The following CSMD1 variants were observed in gnomAD, a reference collection of about 807,000 sequenced individuals.
CSMD1 encodes the protein CUB and sushi domain-containing protein 1.
In CSMD1, 213 loss-of-function variants were observed where a neutral mutation model predicts 417.5. That is an observed-to-expected ratio of 0.51 (90% CI 0.46 to 0.57). CSMD1 has a LOEUF of 0.57. CSMD1 is among the 20% of genes least tolerant of loss of function. The pLI is 0.00. For synonymous variants in CSMD1, 2,862 were observed against 1,736.8 expected, an observed-to-expected ratio of 1.65 and a Z score of -16.11; for missense variants, 6,923 against 4,529.7, an observed-to-expected ratio of 1.53 and a Z score of -15.17.
At chr8:4,972,702 C>A (rs28410599) in intron 1 of CSMD1, among the ~76,000 whole-genome samples, 5,596 of 143,154 alleles carry the variant, frequency 0.039, 365 homozygotes, top group African/African-American at 0.14. Flanking sequence ...GAATTTAAAA[C>A]TTTTGCTTTA....
intron 3 of CSMD1, among the ~76,000 whole-genome samples, chr8:4,375,638 A>T (rs1802686007): frequency 6.6e-6 from 1 of 152,108 alleles, no homozygotes; most frequent in Non-Finnish European, 1.5e-5. Context: ...TGGCTGTGGG[A>T]TGGTCGCGGC....
At chr8:4,341,520 G>A (rs905143362) in intron 3 of CSMD1, among the ~76,000 whole-genome samples, 1 of 152,022 alleles carries the variant, frequency 6.6e-6, no homozygotes, top group African/African-American at 2.4e-5. Context: ...GCCCTTTCTA[G>A]GAAGCAAACC....
At position 2,935,986 on chromosome 8, in the gene CSMD1, T is replaced by G. The variant is rs1801432201; in HGVS notation, c.*2599A>C. 1 of 152,198 alleles carries G rather than the reference T, an allele frequency of 6.6e-6. No homozygotes were observed. The highest frequency in any genetic ancestry group is 2.4e-5 in the African/African-American group (1 of 41,450). 9.4% of individuals were successfully genotyped at this position (152,198 alleles called of 1,614,324 possible). ...TCCCGTTGCCTTCAGGGAAGAGTCTTCTAGACCTAACTCAGCAAGCACAGC... is the reference window on the plus strand; with the variant it reads ...TCCCGTTGCCTTCAGGGAAGAGTCTGCTAGACCTAACTCAGCAAGCACAGC... On this transcript the variant is annotated 3_prime_UTR_variant, in exon 70 of 70. Transcript: ENST00000635120.
chr8:3,777,400 A>G (rs1303477515), intron 5 of CSMD1, among the ~76,000 whole-genome samples: 1 of 152,004 alleles, frequency 6.6e-6, no homozygotes, highest in Non-Finnish European at 1.5e-5. Flanking sequence ...GGCCCCCTCC[A>G]CTGCTCTTGC....
chr8:4,704,402 A>G (rs1807785778), intron 1 of CSMD1, among the ~76,000 whole-genome samples: 1 of 152,176 alleles, frequency 6.6e-6, no homozygotes, highest in African/African-American at 2.4e-5. Flanking sequence ...TTATTTACTT[A>G]TCTATTGTTT....
chr8:3,836,169 G>C (rs890525152), intron 5 of CSMD1, among the ~76,000 whole-genome samples: 1 of 151,996 alleles, frequency 6.6e-6, no homozygotes, highest in African/African-American at 2.4e-5. Context: ...CATTGTCTCA[G>C]TTTATTATAG....
chr8:4,360,560 G>A (rs930392882), intron 3 of CSMD1, among the ~76,000 whole-genome samples: 30 of 152,112 alleles, frequency 2.0e-4, no homozygotes, highest in African/African-American at 6.8e-4. Context: ...CGCGATCTCG[G>A]CTCACTGCAA....
intron 4 of CSMD1, among the ~76,000 whole-genome samples, chr8:4,019,531 C>G (rs1160564677): frequency 3.3e-5 from 5 of 152,172 alleles, no homozygotes; most frequent in Non-Finnish European, 1.5e-5. Context: ...ACCCAAGAGA[C>G]ATTCCCCATT....
At chr8:4,006,555 T>C (rs1305899279) in intron 4 of CSMD1, among the ~76,000 whole-genome samples, 1 of 152,066 alleles carries the variant, frequency 6.6e-6, no homozygotes, top group African/African-American at 2.4e-5. Flanking sequence ...AATAAATAAA[T>C]AAATAAATAA....
In CSMD1 at chr8:3,209,053, T is replaced by C. The variant is rs145523346; in HGVS notation, c.4868-3433A>G. Reference sequence around the variant, plus strand: ...TACAAAGAAACACTTTGTGCAAGCATAGAATAAAAGAGCATTGCCTTATGA... The same window carrying C: ...TACAAAGAAACACTTTGTGCAAGCACAGAATAAAAGAGCATTGCCTTATGA... On this transcript the variant is annotated intron_variant, in intron 30 of 69. Transcript: ENST00000635120. 2.1e-3 allele frequency among the ~76,000 whole-genome samples: 323 copies of C among 152,292 alleles called. 1 individual carries two copies. The highest frequency in any genetic ancestry group is 7.3e-3 in the African/African-American group (304 of 41,586).
At chr8:3,337,787 T>A (rs751017239) in intron 23 of CSMD1, among the ~76,000 whole-genome samples, 2 of 152,214 alleles carry the variant, frequency 1.3e-5, no homozygotes. Context: ...AGGGATCTGA[T>A]TATTTTATGA....
chr8:4,639,491 G>A (rs1803064919), intron 1 of CSMD1, among the ~76,000 whole-genome samples: 1 of 152,162 alleles, frequency 6.6e-6, no homozygotes, highest in Non-Finnish European at 1.5e-5. Flanking sequence ...GAGGTTAGCT[G>A]TTAAGTAGCT....
At chr8:3,875,755 C>T (rs944592750) in intron 5 of CSMD1, among the ~76,000 whole-genome samples, 1 of 152,134 alleles carries the variant, frequency 6.6e-6, no homozygotes. Context: ...GAAATGGAGA[C>T]AGCCAGTGAA....
chr8:4,398,863 C>T (rs1016055993), intron 3 of CSMD1, among the ~76,000 whole-genome samples: 2 of 152,094 alleles, frequency 1.3e-5, no homozygotes, highest in African/African-American at 2.4e-5. Flanking sequence ...AACTTTTAAA[C>T]CATAAAATAA....
At chr8:3,240,322 G>A (rs1277917151) in intron 26 of CSMD1, among the ~76,000 whole-genome samples, 2 of 152,110 alleles carry the variant, frequency 1.3e-5, no homozygotes, top group Non-Finnish European at 2.9e-5. Flanking sequence ...TAGGATCTAT[G>A]GGGTCAGCAA....
At chr8:3,786,357 G>T (rs987090933) in intron 5 of CSMD1, among the ~76,000 whole-genome samples, 7 of 152,106 alleles carry the variant, frequency 4.6e-5, no homozygotes, top group Admixed American at 3.9e-4. Flanking sequence ...ACGGGCTTGG[G>T]TGACCTCATT....
chr8:4,440,918 A>G (rs1012069701), intron 2 of CSMD1, among the ~76,000 whole-genome samples: 2 of 150,518 alleles, frequency 1.3e-5, no homozygotes, highest in African/African-American at 4.9e-5. Context: ...AATCACTTGA[A>G]CCCGGGAGGC....
At chr8:4,375,032 T>C (rs1239821068) in intron 3 of CSMD1, among the ~76,000 whole-genome samples, 1 of 148,712 alleles carries the variant, frequency 6.7e-6, no homozygotes, top group African/African-American at 2.5e-5. Flanking sequence ...GCTAGAGCAA[T>C]TTGTGAAGAT....
chr8:3,713,860 G>T (rs970321151), intron 6 of CSMD1, among the ~76,000 whole-genome samples: 2 of 152,114 alleles, frequency 1.3e-5, no homozygotes, highest in Admixed American at 6.6e-5. Context: ...TATAAATCTT[G>T]TGTCTTCAAC....
Sources: allele counts gnomAD v4.1 joint callset (sites outside exome capture counted in the v4.1 genomes callset), GRCh38; gene constraint gnomAD v4.1.1; transcripts MANE v1.5; gene names NCBI Gene and HGNC (gene_info 2026-07-23, HGNC 2026-07-21).